Variants in KLF8 observed in about 807,000 individuals in gnomAD.
KLF8 encodes the protein KLF transcription factor 8, also known as Krueppel-like factor 8.
Under a neutral mutation model 18.2 loss-of-function variants are expected in KLF8, and 10 were observed. That is an observed-to-expected ratio of 0.55 (90% CI 0.34 to 0.93). KLF8 has a LOEUF of 0.93. Ranked by LOEUF, KLF8 falls within the 40% of genes least tolerant of loss-of-function variation. KLF8 has a pLI of 0.02. For missense variants in KLF8, 264 were observed against 277.9 expected (o/e 0.95, Z 0.36); for synonymous variants, 109 against 97.3 (o/e 1.12, Z -0.71).
At position 56,290,933 on chromosome X, in the gene KLF8, T is replaced by C. The variant is rs769582223; in HGVS notation, c.*6439T>C. Among the ~76,000 whole-genome samples, 2 of 111,605 alleles carry C rather than the reference T, an allele frequency of 1.8e-5. No individual in the cohort carries two copies. The highest frequency in any genetic ancestry group is 2.8e-4 in the East Asian group (1 of 3,552). Reference sequence around the variant, plus strand: ...TAACTGTTAAAAGCTCTCCTTCCTTTCCTAGAGTCGCTACAAGTAGCTGTG... The same window carrying C: ...TAACTGTTAAAAGCTCTCCTTCCTTCCCTAGAGTCGCTACAAGTAGCTGTG... On this transcript the variant is annotated 3_prime_UTR_variant, in exon 6 of 6. Transcript: ENST00000468660.
chrX:56,117,139 A>C, the KLF8 span, among the ~76,000 whole-genome samples: 1 of 111,334 alleles, frequency 9.0e-6, no homozygotes, highest in Non-Finnish European at 1.9e-5. Context: ...AGGGAAAAAA[A>C]GTAGAACTCT....
the KLF8 span, among the ~76,000 whole-genome samples, chrX:55,932,358 G>T: frequency 1.8e-5 from 2 of 111,146 alleles, no homozygotes; most frequent in Admixed American, 9.6e-5. Flanking sequence ...GGGACATTTA[G>T]TCCATTTACA....
At chrX:56,179,852 G>A in the KLF8 span, among the ~76,000 whole-genome samples, 1 of 111,871 alleles carries the variant, frequency 8.9e-6, no homozygotes, top group Admixed American at 9.5e-5. Flanking sequence ...AACTTGACAT[G>A]GTGGATAAGC....
the KLF8 span, among the ~76,000 whole-genome samples, chrX:55,943,657 C>T: frequency 3.6e-5 from 4 of 111,903 alleles, no homozygotes; most frequent in Admixed American, 9.5e-5. Flanking sequence ...TTAAGTGGGA[C>T]GCAAATGTTG....
the KLF8 span, among the ~76,000 whole-genome samples, chrX:56,109,171 A>G: frequency 1.8e-5 from 2 of 110,979 alleles, no homozygotes; most frequent in Non-Finnish European, 3.8e-5. Context: ...CCAAGGTGGG[A>G]GGATCATGAG....
the KLF8 span, among the ~76,000 whole-genome samples, chrX:56,055,182 G>A: frequency 8.9e-6 from 1 of 111,883 alleles, no homozygotes; most frequent in Non-Finnish European, 1.9e-5. Context: ...ACTGGCCTCT[G>A]TATTTCAGTA....
At chrX:56,007,871 G>A in the KLF8 span, among the ~76,000 whole-genome samples, 5 of 110,870 alleles carry the variant, frequency 4.5e-5, no homozygotes, top group Non-Finnish European at 9.4e-5. Flanking sequence ...TAGGTGATGG[G>A]ATGATTTGTT....
At chrX:55,981,837 G>A in the KLF8 span, among the ~76,000 whole-genome samples, 1 of 111,782 alleles carries the variant, frequency 8.9e-6, no homozygotes, top group Non-Finnish European at 1.9e-5. Context: ...GGAACAGGCA[G>A]AACAATACTG....
chrX:56,180,299 T>C, the KLF8 span, among the ~76,000 whole-genome samples: 2 of 112,220 alleles, frequency 1.8e-5, no homozygotes, highest in Non-Finnish European at 1.9e-5. Flanking sequence ...TGGTAGTTTG[T>C]ATTTCTTTGG....
chrX:56,066,876 CT>C, the KLF8 span, among the ~76,000 whole-genome samples: 1 of 110,091 alleles, frequency 9.1e-6, no homozygotes, highest in African/African-American at 3.3e-5. Flanking sequence ...CTCCAGGCCA[CT>C]CCCTACATTA....
the KLF8 span, among the ~76,000 whole-genome samples, chrX:56,069,626 G>A: frequency 9.0e-6 from 1 of 111,385 alleles, no homozygotes; most frequent in African/African-American, 3.3e-5. Flanking sequence ...TTTGCTAAGG[G>A]GTGCAGCCCC....
chrX:56,056,444 A>C, the KLF8 span, among the ~76,000 whole-genome samples: 1 of 108,433 alleles, frequency 9.2e-6, no homozygotes, highest in African/African-American at 3.4e-5. Flanking sequence ...GCACTACACT[A>C]TACACCATGG....
rs895445052 is a variant in KLF8 at position 56,281,749 on chromosome X, C to T, written c.899-2564C>T. On this transcript the variant is annotated intron_variant, in intron 5 of 5. Transcript: ENST00000468660. ...CTTTGTCACATAGTTAATATATGTG[C>T]TTTATATTATGAATTCTTTCTCTGC... Among the ~76,000 whole-genome samples, 4 of 112,414 alleles carry T rather than the reference C, an allele frequency of 3.6e-5. No individual in the cohort carries two copies. In the Admixed American group the frequency reaches 3.8e-4, roughly 11 times the overall value.
the KLF8 span, among the ~76,000 whole-genome samples, chrX:55,924,677 T>C: frequency 9.0e-6 from 1 of 110,619 alleles, no homozygotes; most frequent in Non-Finnish European, 1.9e-5. Flanking sequence ...CATTTGATAC[T>C]CAAATACCTG....
At position 56,284,538 on chromosome X, in the gene KLF8, G is replaced by T; in HGVS notation, c.*44G>T. 2.9e-6 allele frequency: 3 copies of T among 1,046,317 alleles called. No individual in the cohort carries two copies. Among genetic ancestry groups the T allele is most frequent in the Non-Finnish European group, 3.8e-6 (3 of 796,175 alleles). 86.2% of individuals were successfully genotyped at this position (1,046,317 alleles called of 1,213,427 possible). On this transcript the variant is annotated 3_prime_UTR_variant, in exon 6 of 6. Coordinates refer to ENST00000468660, the MANE Select transcript of KLF8 (RefSeq NM_007250.5). ...GAGAAGCTGCGCTGGTATCTTTCCT[G>T]GTCGTGTGCTGAGGTTGGGACAATT...
the KLF8 span, among the ~76,000 whole-genome samples, chrX:56,083,739 CT>C: frequency 5.4e-5 from 6 of 111,471 alleles, no homozygotes; most frequent in Non-Finnish European, 7.5e-5. Context: ...ACTCCGCCTG[CT>C]GTCAAATCAG....
chrX:56,003,082 A>C, the KLF8 span, among the ~76,000 whole-genome samples: 1 of 111,653 alleles, frequency 9.0e-6, no homozygotes, highest in South Asian at 3.8e-4. Context: ...CTGACTATGA[A>C]AGTCTTTTGT....
At chrX:55,961,596 C>T in the KLF8 span, 1 of 479,292 alleles carries the variant, frequency 2.1e-6, no homozygotes, top group South Asian at 2.6e-5. Context: ...CTGTGCATAC[C>T]ATTTCTGGAA....
the KLF8 span, among the ~76,000 whole-genome samples, chrX:55,943,962 A>C: frequency 8.9e-6 from 1 of 112,167 alleles, no homozygotes; most frequent in Non-Finnish European, 1.9e-5. Context: ...GTTCAATGAC[A>C]AATTCACTGT....
Sources: gnomAD v4.1 joint callset for allele counts (sites outside exome capture counted in the v4.1 genomes callset) on GRCh38, gnomAD v4.1.1 for gene constraint, MANE v1.5 for transcripts, NCBI Gene and HGNC (gene_info 2026-07-23, HGNC 2026-07-21) for gene names.